Variants in TMEFF1 observed in about 807,000 individuals in gnomAD.
TMEFF1 encodes the protein tomoregulin-1.
TMEFF1 carries 20 observed loss-of-function variants against 47.5 expected under a neutral mutation model. The observed-to-expected ratio is 0.42, with a 90% CI of 0.30 to 0.61. The LOEUF (loss-of-function observed/expected upper bound fraction) is 0.61, where lower values mean the gene tolerates loss of function less well. TMEFF1 is among the 20% of genes least tolerant of loss of function. The pLI is 0.19. For missense variants in TMEFF1, 411 were observed against 471.1 expected (o/e 0.87, Z 1.18); for synonymous variants, 162 against 166.3 (o/e 0.97, Z 0.20).
chr9:100,574,166 G>A (rs1274092160), intron 9 of TMEFF1, among the ~76,000 whole-genome samples: 1 of 152,196 alleles, frequency 6.6e-6, no homozygotes, highest in South Asian at 2.1e-4. Context: ...ACTTGATTTT[G>A]TAGCAGTTTA....
intron 7 of TMEFF1, among the ~76,000 whole-genome samples, chr9:100,552,009 A>C (rs1220889568): frequency 1.3e-5 from 2 of 152,298 alleles, no homozygotes; most frequent in Admixed American, 6.5e-5. Flanking sequence ...GCATGAGCAT[A>C]GATATGCACA....
intron 1 of TMEFF1, among the ~76,000 whole-genome samples, chr9:100,487,300 A>G (rs1344905988): frequency 6.6e-6 from 1 of 152,148 alleles, no homozygotes; most frequent in Non-Finnish European, 1.5e-5. Context: ...AGTAGCTGGA[A>G]TTACAGCTGC....
At chr9:100,479,699 T>C (rs867273944) in intron 1 of TMEFF1, among the ~76,000 whole-genome samples, 2 of 152,238 alleles carry the variant, frequency 1.3e-5, no homozygotes, top group African/African-American at 2.4e-5. Flanking sequence ...GTATCAGAAC[T>C]TCATTCCTTT....
At chr9:100,517,079 C>T (rs1249045419) in intron 5 of TMEFF1, among the ~76,000 whole-genome samples, 1 of 152,110 alleles carries the variant, frequency 6.6e-6, no homozygotes. Flanking sequence ...TCATGTTCAG[C>T]CTTCATTAAG....
intron 8 of TMEFF1, among the ~76,000 whole-genome samples, chr9:100,568,830 C>G (rs139598243): frequency 1.4e-3 from 216 of 152,236 alleles, no homozygotes; most frequent in African/African-American, 5.1e-3. Context: ...AGTATGGGGT[C>G]TCCTGTGTCT....
At chr9:100,501,596 A>G (rs2118329941) in intron 2 of TMEFF1, among the ~76,000 whole-genome samples, 1 of 152,188 alleles carries the variant, frequency 6.6e-6, no homozygotes, top group East Asian at 1.9e-4. Context: ...TCATTAACTC[A>G]TAAACTCTCA....
intron 5 of TMEFF1, among the ~76,000 whole-genome samples, chr9:100,527,341 A>C (rs1368994609): frequency 6.6e-6 from 1 of 152,138 alleles, no homozygotes; most frequent in South Asian, 2.1e-4. Flanking sequence ...GGTTCATCTC[A>C]CTAGGGAGTG....
In TMEFF1 at chr9:100,576,748, C is replaced by A; in HGVS notation, c.*148C>A. On this transcript the variant is annotated 3_prime_UTR_variant, in exon 10 of 10. Coordinates refer to ENST00000374879, the MANE Select transcript of TMEFF1 (RefSeq NM_003692.5). ...TCGTATTTAGAATATTCAGCTACGA[C>A]AGTTTTGGACTGTTTAGTAGTCTTT... 1 of 935,820 alleles carries A rather than the reference C, an allele frequency of 1.1e-6. No homozygotes were observed. The highest frequency in any genetic ancestry group is 1.6e-6 in the Non-Finnish European group (1 of 645,032). 58.0% of individuals were successfully genotyped at this position (935,820 alleles called of 1,614,324 possible). A position where few individuals can be genotyped will look rare whatever the true frequency, so the allele number is the denominator to read the frequency against.
At chr9:100,552,135 G>T (rs16919174) in intron 7 of TMEFF1, among the ~76,000 whole-genome samples, 7,669 of 152,228 alleles carry the variant, frequency 0.05, 385 homozygotes, top group South Asian at 0.22. Context: ...GGGCCAGATT[G>T]TGTAGAGTGT....
intron 7 of TMEFF1, among the ~76,000 whole-genome samples, chr9:100,560,791 C>A (rs758379485): frequency 2.0e-5 from 3 of 151,988 alleles, no homozygotes; most frequent in Non-Finnish European, 2.9e-5. Context: ...TCTTTTTTAA[C>A]CTCTGTATTA....
intron 1 of TMEFF1, among the ~76,000 whole-genome samples, chr9:100,497,253 T>G (rs891323927): frequency 2.0e-5 from 3 of 150,918 alleles, no homozygotes; most frequent in Non-Finnish European, 4.4e-5. Flanking sequence ...CTGGAATAGT[T>G]TGTGAAACAG....
intron 3 of TMEFF1, among the ~76,000 whole-genome samples, chr9:100,509,704 G>T (rs1490550996): frequency 6.6e-6 from 1 of 151,862 alleles, no homozygotes; most frequent in Non-Finnish European, 1.5e-5. Flanking sequence ...AACCCAGGAG[G>T]TGGAGCTTGC....
chr9:100,575,028 T>C (rs1390391266), intron 9 of TMEFF1, among the ~76,000 whole-genome samples: 1 of 152,224 alleles, frequency 6.6e-6, no homozygotes, highest in Non-Finnish European at 1.5e-5. Flanking sequence ...TCTCATTGAA[T>C]TTATCACAGA....
chr9:100,549,978 G>A, intron 6 of TMEFF1, 117 bp from the exon 7 acceptor site: 1 of 1,169,408 alleles, frequency 8.6e-7, no homozygotes, highest in Admixed American at 3.2e-5. Context: ...GACAACATGA[G>A]CAGGATAAGG....
At chr9:100,522,484 C>T (rs944708425) in intron 5 of TMEFF1, among the ~76,000 whole-genome samples, 5 of 129,860 alleles carry the variant, frequency 3.9e-5, no homozygotes, top group African/African-American at 1.1e-4. Flanking sequence ...GTCGCCCAGG[C>T]CGGAGTGGAG....
chr9:100,543,704 A>AAAACACAC (rs1038685574), intron 5 of TMEFF1, among the ~76,000 whole-genome samples: 1,948 of 138,914 alleles, frequency 0.014, 22 homozygotes, highest in Middle Eastern at 0.025. Context: ...GATGAAGTAA[A>AAAACACAC]ACACACACAC....
chr9:100,473,641 T>A lies in TMEFF1; in HGVS notation c.97T>A (p.Ser33Thr), dbSNP rs765866160. The A allele has an allele frequency of 6.4e-6, 10 of 1,553,864 alleles. No homozygotes were observed. In the Admixed American group the frequency reaches 1.9e-4, roughly 30 times the overall value. Residue 33 changes from serine (S) to threonine (T), a missense_variant, in exon 1 of 10, where the codon TCT becomes ACT. Coordinates refer to ENST00000374879, the MANE Select transcript of TMEFF1 (RefSeq NM_003692.5). The surrounding 1 kb of genome is among the most constrained non-coding windows in gnomAD (Gnocchi z 5.4). ...GTCGGTGCTTCTGCTCTTCGCCTTC[T>A]CTCTGCCCGGGAGCCGCGCGTCCAA... is the stretch of plus-strand genomic sequence containing the variant. ...YTSVLLLFAF[S>T]LPGSRASNQP... is the part of the protein sequence containing the mutation.
chr9:100,518,333 TCCCA>T, intron 5 of TMEFF1: 1 of 547,680 alleles, frequency 1.8e-6, no homozygotes, highest in Non-Finnish European at 2.3e-6. Flanking sequence ...TGTAGCCTAT[TCCCA>T]ATCAGAGCAA....
At chr9:100,554,906 A>T (rs753820718) in intron 7 of TMEFF1, among the ~76,000 whole-genome samples, 6 of 152,074 alleles carry the variant, frequency 3.9e-5, no homozygotes, top group Non-Finnish European at 7.3e-5. Flanking sequence ...TTCCAGATAC[A>T]TGTCTCCATT....
Sources: gnomAD v4.1 joint callset for allele counts (sites outside exome capture counted in the v4.1 genomes callset) on GRCh38, gnomAD v4.1.1 for gene constraint, Gnocchi (gnomAD v3.1) non-coding constraint, MANE v1.5 for transcripts, NCBI Gene and HGNC (gene_info 2026-07-23, HGNC 2026-07-21) for gene names.